The following ADAMTS17 variants were observed in gnomAD, a reference collection of about 807,000 sequenced individuals.
ADAMTS17 encodes A disintegrin and metalloproteinase with thrombospondin motifs 17.
A neutral mutation model predicts 141.5 loss-of-function variants in ADAMTS17; 113 were observed. The observed-to-expected ratio is 0.80, with a 90% CI of 0.69 to 0.93. The LOEUF (loss-of-function observed/expected upper bound fraction) is 0.93. ADAMTS17 is among the 40% of genes least tolerant of loss of function. The pLI, the probability that ADAMTS17 is intolerant of heterozygous loss-of-function variation, is 0.00. For missense variants in ADAMTS17, 1,659 were observed against 1,517.9 expected (o/e 1.09, Z -1.54); for synonymous variants, 768 against 630.6 (o/e 1.22, Z -3.27).
intron 4 of ADAMTS17, among the ~76,000 whole-genome samples, chr15:100,274,627 C>G (rs1173118581): frequency 6.6e-6 from 1 of 152,162 alleles, no homozygotes; most frequent in African/African-American, 2.4e-5. Flanking sequence ...ATTCTGCCAT[C>G]AATTTCTGTC....
intron 18 of ADAMTS17, among the ~76,000 whole-genome samples, chr15:100,022,788 A>G (rs2061429369): frequency 6.6e-6 from 1 of 152,166 alleles, no homozygotes; most frequent in Non-Finnish European, 1.5e-5. Context: ...TGAAAATAAT[A>G]ATTTGTTAAT....
intron 18 of ADAMTS17, among the ~76,000 whole-genome samples, chr15:100,007,460 A>C (rs935465675): frequency 6.6e-6 from 1 of 151,222 alleles, no homozygotes; most frequent in African/African-American, 2.4e-5. Context: ...CGCTGTTGTC[A>C]CCCAGGCTGG....
Position 99,997,547 on chromosome 15 carries a change from C to T in ADAMTS17, c.2634G>A (p.Glu878=), listed in dbSNP as rs143323522. 46 of 1,613,516 alleles carry T rather than the reference C, an allele frequency of 2.9e-5. No individual in the cohort carries two copies. In the African/African-American group the frequency reaches 5.1e-4, roughly 18 times the overall value. ...GPWSPCSATC[E]KGFQHREVTC... ...TCACCTCCCGGTGCTGGAAGCCTTT[C>T]TCACAGGTCGCCGAGCAGGGGCTCC... The change falls in exon 19 of 22, where the codon GAG becomes GAA. Residue 878 remains glutamate, a synonymous_variant. Coordinates refer to ENST00000268070, the MANE Select transcript of ADAMTS17 (RefSeq NM_139057.4). The surrounding 1 kb of genome is among the most constrained non-coding windows in gnomAD (Gnocchi z 4.7).
intron 18 of ADAMTS17, among the ~76,000 whole-genome samples, chr15:100,024,090 AT>A (rs113743911): frequency 0.11 from 16,355 of 151,332 alleles, 2,335 homozygotes; most frequent in African/African-American, 0.33. Flanking sequence ...CTAAAGGTTG[AT>A]TTTTTTTTGT....
At chr15:100,322,269 A>G (rs1080492) in intron 3 of ADAMTS17, among the ~76,000 whole-genome samples, 56,062 of 152,012 alleles carry the variant, frequency 0.37, 11,265 homozygotes, top group Middle Eastern at 0.51. Flanking sequence ...AGGTGACTGG[A>G]AAGTATGGGG....
intron 14 of ADAMTS17, among the ~76,000 whole-genome samples, chr15:100,106,397 T>G (rs957940219): frequency 2.6e-5 from 4 of 152,364 alleles, no homozygotes; most frequent in Admixed American, 2.6e-4. Flanking sequence ...AATGCTATCC[T>G]CATGACCACA....
intron 3 of ADAMTS17, chr15:100,306,535 C>A (rs1567515939): frequency 2.2e-6 from 1 of 456,076 alleles, no homozygotes. Context: ...ACTCCAGCCT[C>A]CAGATTTCAA....
At chr15:100,094,986 C>T (rs545364923) in intron 15 of ADAMTS17, among the ~76,000 whole-genome samples, 5 of 152,300 alleles carry the variant, frequency 3.3e-5, no homozygotes, top group South Asian at 2.1e-4. Context: ...AGCCGCTGGC[C>T]GTGTGCAGCA....
intron 7 of ADAMTS17, among the ~76,000 whole-genome samples, chr15:100,218,864 C>T (rs1231791163): frequency 2.0e-5 from 3 of 150,738 alleles, no homozygotes; most frequent in Middle Eastern, 3.4e-3. Flanking sequence ...AACACGCACA[C>T]GTCCACCTGA....
rs2045496096 is a variant in ADAMTS17, at chr15:100,314,358, CTTACG to C, written c.616+16526_616+16530del. 2.6e-5 allele frequency among the ~76,000 whole-genome samples: 4 copies of C among 152,164 alleles called. No homozygotes were observed. In the South Asian group the frequency reaches 8.3e-4, roughly 32 times the overall value. ...CAGTATTGTATCCCCTAAGTCTATC[CTTACG>C]TTAAATAAGGGTTCTAAGAAAATTT... On this transcript the variant is annotated intron_variant, in intron 3 of 21. Transcript: ENST00000268070.
intron 7 of ADAMTS17, among the ~76,000 whole-genome samples, chr15:100,226,588 TG>T (rs1444495195): frequency 6.6e-6 from 1 of 152,256 alleles, no homozygotes; most frequent in Non-Finnish European, 1.5e-5. Context: ...GGAGAAATCC[TG>T]TAACTCTCTC....
At chr15:100,272,426 T>C (rs2043946061) in intron 4 of ADAMTS17, among the ~76,000 whole-genome samples, 1 of 151,950 alleles carries the variant, frequency 6.6e-6, no homozygotes, top group Non-Finnish European at 1.5e-5. Flanking sequence ...GGTTAATTCC[T>C]AAGTATTTTA....
chr15:100,189,417 G>A (rs1596230411), intron 8 of ADAMTS17, among the ~76,000 whole-genome samples: 2 of 152,192 alleles, frequency 1.3e-5, no homozygotes, highest in South Asian at 2.1e-4. Context: ...CCTGCTGCTG[G>A]GAGCAGTTTC....
At chr15:100,100,599 C>T (rs1180408062) in intron 14 of ADAMTS17, among the ~76,000 whole-genome samples, 2 of 149,250 alleles carry the variant, frequency 1.3e-5, no homozygotes, top group Admixed American at 6.7e-5. Context: ...TTGGGATGTA[C>T]CCAGTTAGTT....
Position 100,341,370 on chromosome 15 carries a change from G to T in ADAMTS17, c.119C>A (p.Pro40Gln). 1 of 1,017,852 alleles carries T rather than the reference G, an allele frequency of 9.8e-7. No homozygotes were observed. Among genetic ancestry groups the T allele is most frequent in the Non-Finnish European group, 1.2e-6 (1 of 853,076 alleles). The allele number at this position is 1,017,852 out of a possible 1,614,324, so 63.1% of individuals were successfully genotyped here. The stretch of plus-strand genomic sequence containing the variant: ...CACGTCGTCGGGGCGCACCCGCCAC[G>T]GGAGCACCACCTCCACGTCGGCCGC... ...DAAADVEVVL[P>Q]WRVRPDDVHL... Residue 40 changes from proline (P) to glutamine (Q), a missense_variant, in exon 2 of 22, where the codon CCG (proline) becomes CAG (glutamine). By Grantham distance (76) the Pro-to-Gln change is moderately conservative. Transcript: ENST00000268070.
intron 8 of ADAMTS17, among the ~76,000 whole-genome samples, chr15:100,188,451 A>G (rs987866139): frequency 6.6e-6 from 1 of 151,622 alleles, no homozygotes; most frequent in Admixed American, 6.6e-5. Context: ...ATTTTTAGGG[A>G]GAGTCTGACA....
intron 12 of ADAMTS17, among the ~76,000 whole-genome samples, chr15:100,121,528 G>T (rs960539309): frequency 6.6e-6 from 1 of 152,144 alleles, no homozygotes; most frequent in Non-Finnish European, 1.5e-5. Context: ...AGGCCAAAAA[G>T]AAGTGTGCTT....
At chr15:100,030,443 T>C (rs1457343308) in intron 18 of ADAMTS17, among the ~76,000 whole-genome samples, 2 of 152,160 alleles carry the variant, frequency 1.3e-5, no homozygotes, top group East Asian at 3.9e-4. Context: ...CACCCACAAA[T>C]GCAACCTCCT....
intron 12 of ADAMTS17, among the ~76,000 whole-genome samples, chr15:100,126,726 TG>T (rs945222239): frequency 1.3e-5 from 2 of 152,230 alleles, no homozygotes; most frequent in African/African-American, 4.8e-5. Flanking sequence ...ATTGGTTTTC[TG>T]GGGCAAGTGC....
Sources: gnomAD v4.1 joint callset for allele counts (sites outside exome capture counted in the v4.1 genomes callset) on GRCh38, gnomAD v4.1.1 for gene constraint, Gnocchi (gnomAD v3.1) non-coding constraint, MANE v1.5 for transcripts, NCBI Gene and HGNC (gene_info 2026-07-23, HGNC 2026-07-21) for gene names.